The following PCDHGB7 variants were observed in gnomAD, a reference collection of about 807,000 sequenced individuals.
The protein encoded by PCDHGB7 is protocadherin gamma-B7.
Under a neutral mutation model 61.4 loss-of-function variants are expected in PCDHGB7, and 37 were observed. The observed-to-expected ratio is 0.60, with a 90% confidence interval of 0.46 to 0.79. The LOEUF is 0.79. PCDHGB7 is among the 30% of genes least tolerant of loss of function. PCDHGB7 has a pLI of 0.00. For synonymous variants in PCDHGB7, 464 were observed against 503.5 expected, an observed-to-expected ratio of 0.92 and a Z score of 1.05; for missense variants, 1,166 against 1,202.5, an observed-to-expected ratio of 0.97 and a Z score of 0.45.
At chr5:141,435,805 T>C (rs2097780946) in intron 1 of PCDHGB7, among the ~76,000 whole-genome samples, 1 of 152,178 alleles carries the variant, frequency 6.6e-6, no homozygotes, top group African/African-American at 2.4e-5. Flanking sequence ...GTCCCAATTA[T>C]TTTTTCTTTC....
chr5:141,470,262 A>C (rs924170384), intron 1 of PCDHGB7, among the ~76,000 whole-genome samples: 2 of 152,126 alleles, frequency 1.3e-5, no homozygotes, highest in African/African-American at 4.8e-5. Context: ...CTAAATGGAG[A>C]TACATGTTTG....
chr5:141,494,048 G>C (rs764072099), intron 1 of PCDHGB7, among the ~76,000 whole-genome samples: 3 of 152,148 alleles, frequency 2.0e-5, no homozygotes, highest in Non-Finnish European at 2.9e-5. Flanking sequence ...GGCCCTGCTT[G>C]GAGGCTGTGG....
chr5:141,498,093 G>T (rs975304630), intron 2 of PCDHGB7, among the ~76,000 whole-genome samples: 4 of 152,220 alleles, frequency 2.6e-5, no homozygotes, highest in Admixed American at 1.3e-4. Context: ...AATTGTATCT[G>T]GTGGTGTGGG....
At position 141,511,393 on chromosome 5, in the gene PCDHGB7, C is replaced by G. The variant is rs1257680621; in HGVS notation, c.*220C>G. The G allele has an allele frequency of 2.8e-6, 3 of 1,067,816 alleles. No individual in the cohort carries two copies. The highest frequency in any genetic ancestry group is 3.9e-6 in the Non-Finnish European group (3 of 764,518). The allele number at this position is 1,067,816 out of a possible 1,614,324, so 66.1% of individuals were successfully genotyped here. A position where few individuals can be genotyped will look rare whatever the true frequency, so the allele number is the denominator to read the frequency against. On this transcript the variant is annotated 3_prime_UTR_variant, in exon 4 of 4. Coordinates refer to ENST00000398594, the MANE Select transcript of PCDHGB7 (RefSeq NM_018927.4). ...CAAAAGCAGTTCCGCTGGGAACCCC[C>G]ATCCAATCAACTGCTGTACCCATGG...
chr5:141,505,803 C>T (rs920849273), intron 3 of PCDHGB7, among the ~76,000 whole-genome samples: 29 of 152,116 alleles, frequency 1.9e-4, no homozygotes, highest in African/African-American at 6.5e-4. Flanking sequence ...GGACTTGGAT[C>T]GACTTGCTCA....
chr5:141,505,557 A>C (rs2099846692), intron 3 of PCDHGB7, 76 bp downstream of exon 3: 1 of 1,606,080 alleles, frequency 6.2e-7, no homozygotes, highest in Non-Finnish European at 8.5e-7. Flanking sequence ...CACCATGCCC[A>C]CGGACTGGAT....
At chr5:141,499,686 T>C (rs1400567357) in intron 2 of PCDHGB7, among the ~76,000 whole-genome samples, 2 of 149,346 alleles carry the variant, frequency 1.3e-5, no homozygotes, top group East Asian at 2.0e-4. Context: ...CTTTAACAGA[T>C]GACTTTTTTT....
chr5:141,484,068 G>C (rs1287427208), intron 1 of PCDHGB7, among the ~76,000 whole-genome samples: 1 of 152,114 alleles, frequency 6.6e-6, no homozygotes, highest in African/African-American at 2.4e-5. Flanking sequence ...TAAGTGAAAA[G>C]CTTGCTCTTT....
At chr5:141,456,593 G>C (rs917316601) in intron 1 of PCDHGB7, among the ~76,000 whole-genome samples, 2 of 152,168 alleles carry the variant, frequency 1.3e-5, no homozygotes, top group African/African-American at 4.8e-5. Flanking sequence ...CAATAATTTT[G>C]ATTTGATTTT....
intron 1 of PCDHGB7, chr5:141,427,942 T>C (rs1561832592): frequency 6.3e-7 from 1 of 1,586,106 alleles, no homozygotes; most frequent in Non-Finnish European, 8.6e-7. Context: ...GTGGGCGACC[T>C]CAATGACAAT....
chr5:141,495,276 G>A (rs1350329744), intron 2 of PCDHGB7, among the ~76,000 whole-genome samples: 1 of 152,190 alleles, frequency 6.6e-6, no homozygotes, highest in East Asian at 1.9e-4. Flanking sequence ...GACCGGAGGA[G>A]GCGGTCCGCA....
At chr5:141,466,655 AT>A (rs754296083) in intron 1 of PCDHGB7, among the ~76,000 whole-genome samples, 3 of 152,206 alleles carry the variant, frequency 2.0e-5, no homozygotes, top group Non-Finnish European at 4.4e-5. Context: ...TTCACAAAAC[AT>A]CAGTGATTTC....
chr5:141,489,359 AG>A lies in PCDHGB7; in HGVS notation c.2416-5447del. On this transcript the variant is annotated intron_variant, in intron 1 of 3. Coordinates refer to ENST00000398594, the MANE Select transcript of PCDHGB7 (RefSeq NM_018927.4). The surrounding 1 kb of genome is among the most constrained non-coding windows in gnomAD (Gnocchi z 4.5). ...CGTTACTCAGTGGTGGAGGAGTCTG[AG>A]CCGGGGACGCTGGTGGGGAATGTTG... 1 of 1,613,110 alleles carries A rather than the reference AG, an allele frequency of 6.2e-7. No homozygotes were observed. The highest frequency in any genetic ancestry group is 1.1e-5 in the South Asian group (1 of 90,984).
rs1562052190 is a variant in PCDHGB7, at chr5:141,476,218, CTA to C, written c.2416-18587_2416-18586del. The C allele has an allele frequency of 6.2e-7, 1 of 1,613,984 alleles. No individual in the cohort carries two copies. The highest frequency in any genetic ancestry group is 8.5e-7 in the Non-Finnish European group (1 of 1,180,024). ...TGAACAAGGCTTCCACGGTCATTCA[CTA>C]TGAGATCCCGGAGGAAAGAGAGAAG... On this transcript the variant is annotated intron_variant, in intron 1 of 3. Coordinates refer to ENST00000398594, the MANE Select transcript of PCDHGB7 (RefSeq NM_018927.4). This position sits in a 1 kb window ranked among gnomAD's most constrained non-coding sequence, Gnocchi z 7.6.
rs759220286 is a variant in PCDHGB7 at position 141,490,018 on chromosome 5, C to G, written c.2416-4789C>G. The G allele has an allele frequency of 6.2e-7, 1 of 1,614,252 alleles. No individual in the cohort carries two copies. Among genetic ancestry groups the G allele is most frequent in the Non-Finnish European group, 8.5e-7 (1 of 1,180,038 alleles). ...CCCAGAGAATGCACCCATTGGTACTCTGCTGCTCCGCCTCAATGCCACTGA... is the reference window on the plus strand; with the variant it reads ...CCCAGAGAATGCACCCATTGGTACTGTGCTGCTCCGCCTCAATGCCACTGA... On this transcript the variant is annotated intron_variant, in intron 1 of 3. Transcript: ENST00000398594. This position sits in a 1 kb window ranked among gnomAD's most constrained non-coding sequence, Gnocchi z 5.4.
chr5:141,469,676 A>G (rs1227075639), intron 1 of PCDHGB7, among the ~76,000 whole-genome samples: 1 of 152,250 alleles, frequency 6.6e-6, no homozygotes, highest in African/African-American at 2.4e-5. Context: ...ATAAAACTAC[A>G]TATGCATTGG....
chr5:141,439,131 T>A (rs2098090046), intron 1 of PCDHGB7, among the ~76,000 whole-genome samples: 1 of 150,502 alleles, frequency 6.6e-6, no homozygotes, highest in Non-Finnish European at 1.5e-5. Flanking sequence ...AGACAGAGGT[T>A]GCAGTGAGCT....
rs764363553 is a variant in PCDHGB7 at position 141,432,120 on chromosome 5, A to C, written c.2415+11846A>C. The C allele has an allele frequency of 1.2e-6, 2 of 1,613,978 alleles. No homozygotes were observed. Among genetic ancestry groups the C allele is most frequent in the African/African-American group, 2.7e-5 (2 of 74,894 alleles). ...AACGACAACCCGCCGGTCTTCCCTC[A>C]GGCCTCCTATTCCGCTTATATCCCA... On this transcript the variant is annotated intron_variant, in intron 1 of 3. Transcript: ENST00000398594. The surrounding 1 kb of genome is among the most constrained non-coding windows in gnomAD (Gnocchi z 6.0).
chr5:141,423,065 G>C, intron 1 of PCDHGB7: 1 of 1,614,138 alleles, frequency 6.2e-7, no homozygotes, highest in Non-Finnish European at 8.5e-7. Flanking sequence ...CTTAAGGCCA[G>C]CGAGCCGGGA....
Sources: allele counts gnomAD v4.1 joint callset (sites outside exome capture counted in the v4.1 genomes callset), GRCh38; gene constraint gnomAD v4.1.1; non-coding constraint Gnocchi (gnomAD v3.1); transcripts MANE v1.5; gene names NCBI Gene and HGNC (gene_info 2026-07-23, HGNC 2026-07-21).